PTPRD: variants seen among roughly 807,000 people sequenced by gnomAD.
The protein encoded by PTPRD is protein tyrosine phosphatase receptor type D, also known as receptor-type tyrosine-protein phosphatase delta.
In PTPRD, 34 loss-of-function variants were observed where a neutral mutation model predicts 214.5. That is an observed-to-expected ratio of 0.16 (90% confidence interval 0.12 to 0.21). PTPRD has a LOEUF of 0.21. Among genes scored for constraint, PTPRD ranks in the 10% least tolerant of loss-of-function variants. PTPRD has a pLI of 1.00. For synonymous variants in PTPRD, 1,128 were observed against 845.7 expected (o/e 1.33, Z -5.79); for missense variants, 2,545 against 2,398.7 (o/e 1.06, Z -1.27).
intron 4 of PTPRD, among the ~76,000 whole-genome samples, chr9:9,944,673 T>C (rs528451636): frequency 5.0e-4 from 76 of 151,902 alleles, no homozygotes; most frequent in African/African-American, 1.6e-3. Flanking sequence ...CATACATAGA[T>C]TGCTTAAAAA....
intron 11 of PTPRD, among the ~76,000 whole-genome samples, chr9:8,790,759 T>C (rs2096197371): frequency 1.5e-5 from 2 of 134,328 alleles, no homozygotes; most frequent in Admixed American, 1.5e-4. Context: ...GCTTAGTATG[T>C]AGGGAAAGGA....
chr9:9,682,648 T>C (rs2097096393), intron 7 of PTPRD, among the ~76,000 whole-genome samples: 2 of 151,662 alleles, frequency 1.3e-5, no homozygotes, highest in Admixed American at 1.3e-4. Context: ...CTGTCCAGTC[T>C]CTGTCCAGGT....
chr9:9,761,444 G>C (rs1023006387), intron 6 of PTPRD, among the ~76,000 whole-genome samples: 3 of 152,118 alleles, frequency 2.0e-5, no homozygotes, highest in African/African-American at 7.2e-5. Flanking sequence ...CCTGTCAAAT[G>C]CTCGTAGTGT....
At chr9:8,731,267 C>T (rs1164910171) in intron 12 of PTPRD, among the ~76,000 whole-genome samples, 1 of 152,234 alleles carries the variant, frequency 6.6e-6, no homozygotes, top group East Asian at 1.9e-4. Flanking sequence ...TTTCCATTCC[C>T]ATCCCCATAT....
At chr9:9,689,307 T>C (rs2097220757) in intron 7 of PTPRD, among the ~76,000 whole-genome samples, 1 of 151,892 alleles carries the variant, frequency 6.6e-6, no homozygotes, top group Non-Finnish European at 1.5e-5. Context: ...GTTATGTTAA[T>C]CATTCCAGAA....
intron 3 of PTPRD, among the ~76,000 whole-genome samples, chr9:10,282,354 A>G (rs1565004525): frequency 6.6e-6 from 1 of 152,194 alleles, no homozygotes; most frequent in Admixed American, 6.5e-5. Flanking sequence ...TATGTGGACT[A>G]TGACTAAAAT....
intron 3 of PTPRD, among the ~76,000 whole-genome samples, chr9:10,285,594 T>C (rs1434879818): frequency 6.8e-6 from 1 of 147,898 alleles, no homozygotes; most frequent in Non-Finnish European, 1.5e-5. Context: ...CATATTATTT[T>C]GGGGTCTCAT....
intron 3 of PTPRD, among the ~76,000 whole-genome samples, chr9:10,213,878 A>G (rs947410602): frequency 1.3e-5 from 2 of 152,102 alleles, no homozygotes; most frequent in African/African-American, 4.8e-5. Flanking sequence ...TACTGAGATT[A>G]TACAAGCTTC....
At chr9:9,684,475 C>T (rs956393712) in intron 7 of PTPRD, among the ~76,000 whole-genome samples, 3 of 151,576 alleles carry the variant, frequency 2.0e-5, no homozygotes, top group Non-Finnish European at 4.4e-5. Flanking sequence ...TTTAGATGGT[C>T]TTTGTCAACT....
At chr9:8,635,272 A>G (rs1326530210) in intron 13 of PTPRD, among the ~76,000 whole-genome samples, 1 of 151,416 alleles carries the variant, frequency 6.6e-6, no homozygotes, top group Non-Finnish European at 1.5e-5. Flanking sequence ...TTGTTACATG[A>G]TTTTGTCAGG....
intron 11 of PTPRD, among the ~76,000 whole-genome samples, chr9:8,977,756 A>G (rs562179980): frequency 6.6e-6 from 1 of 151,812 alleles, no homozygotes; most frequent in Non-Finnish European, 1.5e-5. Flanking sequence ...TGAGGTGCCA[A>G]GGGCATATCT....
chr9:8,876,303 C>CACTTGGGG (rs2098389559), intron 11 of PTPRD, among the ~76,000 whole-genome samples: 1 of 151,952 alleles, frequency 6.6e-6, no homozygotes, highest in African/African-American at 2.4e-5. Context: ...TTAAATACTA[C>CACTTGGGG]ACTTGGGGTA....
chr9:9,595,383 T>C (rs1169391112), intron 7 of PTPRD, among the ~76,000 whole-genome samples: 2 of 147,340 alleles, frequency 1.4e-5, no homozygotes, highest in African/African-American at 2.5e-5. Flanking sequence ...GTGATATATA[T>C]ATTCCACCAT....
intron 2 of PTPRD, among the ~76,000 whole-genome samples, chr9:10,434,419 A>C (rs10115737): frequency 0.095 from 14,375 of 151,942 alleles, 982 homozygotes; most frequent in Admixed American, 0.18. Context: ...AATGTTAAAT[A>C]TTCTAAATTA....
In PTPRD at chr9:8,600,227, C is replaced by T. The variant is rs554465615; in HGVS notation, c.352+33090G>A. Among the ~76,000 whole-genome samples, 15 of 152,314 alleles carry T rather than the reference C, an allele frequency of 9.8e-5. No homozygotes were observed. In the South Asian group the frequency reaches 1.7e-3, roughly 17 times the overall value. On this transcript the variant is annotated intron_variant, in intron 14 of 45. Coordinates refer to ENST00000381196, the MANE Select transcript of PTPRD (RefSeq NM_002839.4). ...GGGCATTTGGACTGGCCTAGCCAGACGGAGGGGATTGCCCATCCCAGCAGT... is the reference window on the plus strand; with the variant it reads ...GGGCATTTGGACTGGCCTAGCCAGATGGAGGGGATTGCCCATCCCAGCAGT...
chr9:9,476,942 TC>T (rs886302200), intron 8 of PTPRD, among the ~76,000 whole-genome samples: 1 of 151,922 alleles, frequency 6.6e-6, no homozygotes, highest in Non-Finnish European at 1.5e-5. Context: ...TCTGTGTTAG[TC>T]AGGGTAGTCT....
intron 12 of PTPRD, among the ~76,000 whole-genome samples, chr9:8,651,738 C>G (rs1281434513): frequency 6.6e-6 from 1 of 152,068 alleles, no homozygotes; most frequent in African/African-American, 2.4e-5. Context: ...TCTCCCTCAC[C>G]GAAATCTGTT....
chr9:9,940,975 G>A (rs551947478), intron 4 of PTPRD, among the ~76,000 whole-genome samples: 29 of 152,100 alleles, frequency 1.9e-4, no homozygotes, highest in Admixed American at 1.6e-3. Context: ...CTGGGGGTGG[G>A]CAAGCTTTTG....
At chr9:8,947,172 T>C (rs2099070706) in intron 11 of PTPRD, among the ~76,000 whole-genome samples, 1 of 151,790 alleles carries the variant, frequency 6.6e-6, no homozygotes, top group Non-Finnish European at 1.5e-5. Flanking sequence ...TTTTAAAAAT[T>C]ACTATGGTAG....
Sources: allele counts gnomAD v4.1 joint callset (sites outside exome capture counted in the v4.1 genomes callset), GRCh38; gene constraint gnomAD v4.1.1; transcripts MANE v1.5; gene names NCBI Gene and HGNC (gene_info 2026-07-23, HGNC 2026-07-21).